The following ALCAM variants were observed in gnomAD, a reference collection of about 807,000 sequenced individuals.
ALCAM encodes the protein CD166 antigen.
Under a neutral mutation model 70.9 loss-of-function variants are expected in ALCAM, and 30 were observed. That is an observed-to-expected ratio of 0.42 (90% CI 0.32 to 0.57). The LOEUF (loss-of-function observed/expected upper bound fraction) is 0.57, where lower values mean the gene tolerates loss of function less well. Among genes scored for constraint, ALCAM ranks in the 20% least tolerant of loss-of-function variants. The probability of loss-of-function intolerance (pLI) is 0.11; values close to 1 mark genes in which losing one functional copy is unlikely to be tolerated. For missense variants in ALCAM, 591 were observed against 695.1 expected (o/e 0.85, Z 1.68); for synonymous variants, 249 against 242.5 (o/e 1.03, Z -0.25).
chr3:105,496,967 C>T (rs1293954109), intron 1 of ALCAM, among the ~76,000 whole-genome samples: 2 of 151,858 alleles, frequency 1.3e-5, no homozygotes, highest in African/African-American at 4.8e-5. Context: ...TGGACGTTTC[C>T]ATCTCTTCTT....
chr3:105,434,957 C>T (rs1180155762), intron 1 of ALCAM, among the ~76,000 whole-genome samples: 1 of 152,108 alleles, frequency 6.6e-6, no homozygotes. Flanking sequence ...GAGCAAGCCT[C>T]TGGAGAGAAA....
chr3:105,402,835 C>A (rs1420729264), intron 1 of ALCAM, among the ~76,000 whole-genome samples: 5 of 152,018 alleles, frequency 3.3e-5, no homozygotes, highest in African/African-American at 1.2e-4. Flanking sequence ...TCATAATCTC[C>A]TGGGAGCCCT....
intron 2 of ALCAM, 124 bp from the exon 3 acceptor site, chr3:105,524,165 T>G (rs1221470526): frequency 1.2e-6 from 1 of 828,538 alleles, no homozygotes; most frequent in African/African-American, 1.7e-5. Context: ...TGTATAAAAA[T>G]TATTCTTCGT....
chr3:105,411,226 T>A (rs1936381849), intron 1 of ALCAM, among the ~76,000 whole-genome samples: 1 of 152,066 alleles, frequency 6.6e-6, no homozygotes, highest in South Asian at 2.1e-4. Flanking sequence ...GTGTTAGAGA[T>A]CATTTGATCA....
intron 3 of ALCAM, among the ~76,000 whole-genome samples, chr3:105,529,394 A>G (rs1219502168): frequency 6.6e-6 from 1 of 152,170 alleles, no homozygotes; most frequent in Non-Finnish European, 1.5e-5. Flanking sequence ...ATTTTTTAAC[A>G]CTTTGGAATC....
intron 1 of ALCAM, among the ~76,000 whole-genome samples, chr3:105,510,066 A>T (rs2152619470): frequency 6.6e-6 from 1 of 152,202 alleles, no homozygotes; most frequent in South Asian, 2.1e-4. Context: ...ATCCTCTGAA[A>T]AGCAGATGTC....
intron 1 of ALCAM, among the ~76,000 whole-genome samples, chr3:105,404,305 AAAAG>A (rs1036410166): frequency 2.0e-5 from 3 of 152,140 alleles, no homozygotes; most frequent in Non-Finnish European, 2.9e-5. Flanking sequence ...TAGTCAAGAC[AAAAG>A]AAAGAATCTT....
At chr3:105,505,232 A>G (rs1939038850) in intron 1 of ALCAM, among the ~76,000 whole-genome samples, 2 of 152,220 alleles carry the variant, frequency 1.3e-5, no homozygotes, top group Admixed American at 6.5e-5. Context: ...TAAAGAAAAG[A>G]GGTTTAATTG....
chr3:105,390,221 C>G (rs770408669), intron 1 of ALCAM, among the ~76,000 whole-genome samples: 1 of 151,984 alleles, frequency 6.6e-6, no homozygotes, highest in Non-Finnish European at 1.5e-5. Flanking sequence ...AAAAGCATTC[C>G]TATTTCTCCA....
rs568093899 is a variant in ALCAM at position 105,526,253 on chromosome 3, A to G, written c.394+1745A>G. On this transcript the variant is annotated intron_variant, in intron 3 of 15. Coordinates refer to ENST00000306107, the MANE Select transcript of ALCAM (RefSeq NM_001627.4). ...GAAAATTCAGTTTGTTTCATTTGGAAGAATTATTTGTGACAGTTTTCAAAA... is the reference window on the plus strand; with the variant it reads ...GAAAATTCAGTTTGTTTCATTTGGAGGAATTATTTGTGACAGTTTTCAAAA... Among the ~76,000 whole-genome samples, 163 of 151,880 alleles carry G rather than the reference A, an allele frequency of 1.1e-3. 2 individuals carry two copies. The highest frequency in any genetic ancestry group is 3.8e-3 in the African/African-American group (158 of 41,410).
chr3:105,387,032 G>A (rs1056142538), intron 1 of ALCAM, among the ~76,000 whole-genome samples: 3 of 151,330 alleles, frequency 2.0e-5, no homozygotes, highest in Admixed American at 6.6e-5. Flanking sequence ...TTTTCAGTTT[G>A]CCTCTTCTTT....
intron 1 of ALCAM, among the ~76,000 whole-genome samples, chr3:105,437,309 AT>A (rs1006031889): frequency 1.3e-5 from 2 of 152,198 alleles, no homozygotes; most frequent in African/African-American, 4.8e-5. Context: ...GTAATTATAT[AT>A]TTTTAAACCG....
At chr3:105,427,693 A>G (rs1048639217) in intron 1 of ALCAM, among the ~76,000 whole-genome samples, 2 of 151,890 alleles carry the variant, frequency 1.3e-5, no homozygotes, top group African/African-American at 2.4e-5. Flanking sequence ...GTGAAATTGT[A>G]GGTAGAGTTT....
intron 14 of ALCAM, among the ~76,000 whole-genome samples, chr3:105,555,779 A>G (rs868134723): frequency 1.3e-5 from 2 of 151,984 alleles, no homozygotes; most frequent in Non-Finnish European, 2.9e-5. Context: ...AGCAAGAAAG[A>G]CTTGGCAATT....
rs189239927 is a variant in ALCAM at position 105,497,802 on chromosome 3, C to T, written c.74-22265C>T. Among the ~76,000 whole-genome samples, 915 of 152,096 alleles carry T rather than the reference C, an allele frequency of 6.0e-3. 7 individuals are homozygous for T. The highest frequency in any genetic ancestry group is 0.02 in the African/African-American group (850 of 41,492). On this transcript the variant is annotated intron_variant, in intron 1 of 15. Coordinates refer to ENST00000306107, the MANE Select transcript of ALCAM (RefSeq NM_001627.4). Reference sequence around the variant, plus strand: ...ATCCTAGCACTTTGGGAGGCCGAGGCGGGCGGATCACGAGGTCGGGAGATC... The same window carrying T: ...ATCCTAGCACTTTGGGAGGCCGAGGTGGGCGGATCACGAGGTCGGGAGATC...
At chr3:105,572,136 G>A (rs972178000) in intron 15 of ALCAM, among the ~76,000 whole-genome samples, 172 bp downstream of exon 15, 2 of 152,090 alleles carry the variant, frequency 1.3e-5, no homozygotes, top group African/African-American at 2.4e-5. Flanking sequence ...TGTGCAGAAC[G>A]TGAAGGTATG....
intron 1 of ALCAM, among the ~76,000 whole-genome samples, chr3:105,502,910 A>G (rs1938963637): frequency 6.6e-6 from 1 of 152,262 alleles, no homozygotes; most frequent in South Asian, 2.1e-4. Flanking sequence ...AAATAAATTC[A>G]GAAACTTCTC....
chr3:105,524,758 C>T (rs1282661369), intron 3 of ALCAM: 9 of 1,236,168 alleles, frequency 7.3e-6, no homozygotes, highest in African/African-American at 3.0e-5. Flanking sequence ...GTAAAAATGT[C>T]GTGAGCTATG....
At chr3:105,372,815 A>C (rs1935268496) in intron 1 of ALCAM, among the ~76,000 whole-genome samples, 1 of 152,116 alleles carries the variant, frequency 6.6e-6, no homozygotes, top group African/African-American at 2.4e-5. Context: ...CTGATGCAAA[A>C]TCTTGGCCCA....
Sources: allele counts gnomAD v4.1 joint callset (sites outside exome capture counted in the v4.1 genomes callset), GRCh38; gene constraint gnomAD v4.1.1; transcripts MANE v1.5; gene names NCBI Gene and HGNC (gene_info 2026-07-23, HGNC 2026-07-21).